PPP4R3B: variants seen among roughly 807,000 people sequenced by gnomAD.
PPP4R3B encodes serine/threonine-protein phosphatase 4 regulatory subunit 3B.
Under a neutral mutation model 95.4 loss-of-function variants are expected in PPP4R3B, and 52 were observed. That is an observed-to-expected ratio of 0.54 (90% CI 0.44 to 0.69). The LOEUF (loss-of-function observed/expected upper bound fraction) is 0.69. Among genes scored for constraint, PPP4R3B ranks in the 30% least tolerant of loss-of-function variants. The pLI, the probability that PPP4R3B is intolerant of heterozygous loss-of-function variation, is 0.00. For synonymous variants in PPP4R3B, 407 were observed against 343.9 expected, an observed-to-expected ratio of 1.18 and a Z score of -2.03; for missense variants, 1,003 against 1,005.9, an observed-to-expected ratio of 1.00 and a Z score of 0.04.
At chr2:55,570,770 G>A (rs1687894535) in intron 12 of PPP4R3B, among the ~76,000 whole-genome samples, 1 of 152,176 alleles carries the variant, frequency 6.6e-6, no homozygotes, top group Non-Finnish European at 1.5e-5. Context: ...GCCACATAAG[G>A]TATAAATGTT....
intron 2 of PPP4R3B, among the ~76,000 whole-genome samples, chr2:55,613,207 G>A (rs1694427476): frequency 6.6e-6 from 1 of 151,916 alleles, no homozygotes. Context: ...ACCCCTAAAT[G>A]GCCCTATGAT....
Position 55,589,029 on chromosome 2 carries a change from A to G in PPP4R3B, c.922-73T>C, listed in dbSNP as rs577785348. 200 of 873,240 alleles carry G rather than the reference A, an allele frequency of 2.3e-4. 2 individuals are homozygous for G. The South Asian group carries it at 3.1e-3, about 14-fold the overall frequency. 54.1% of individuals were successfully genotyped at this position (873,240 alleles called of 1,614,324 possible). A position where few individuals can be genotyped will look rare whatever the true frequency, so the allele number is the denominator to read the frequency against. On this transcript the variant is annotated intron_variant, in intron 4 of 16. Coordinates refer to ENST00000616407, the MANE Select transcript of PPP4R3B (RefSeq NM_001122964.3). ...TTATACTCATTTATATGACTTACAC[A>G]AATTATAAAAAATAGTTGACAAGTA...
intron 7 of PPP4R3B, 92 bp from the exon 8 acceptor site, chr2:55,581,790 A>C: frequency 7.4e-7 from 1 of 1,357,986 alleles, no homozygotes; most frequent in Non-Finnish European, 9.8e-7. Flanking sequence ...CAAAGTGAGA[A>C]TTATATAGAG....
intron 7 of PPP4R3B, among the ~76,000 whole-genome samples, chr2:55,583,297 C>T (rs1316560654): frequency 1.3e-5 from 2 of 151,714 alleles, no homozygotes; most frequent in Admixed American, 1.3e-4. Context: ...TGAGGCAACA[C>T]AGTTTTAAAA....
Position 55,603,981 on chromosome 2 carries a change from AC to A in PPP4R3B, c.293del (p.Cys98PhefsTer34), listed in dbSNP as rs1409205522. 1 of 1,595,676 alleles carries A rather than the reference AC, an allele frequency of 6.3e-7. No homozygotes were observed. The highest frequency in any genetic ancestry group is 8.5e-7 in the Non-Finnish European group (1 of 1,174,068). ...AATATTATAAAAAGAAACTTACCTGACAAATTTTTTCCCAGATCTCATCACA... is the reference window on the plus strand; with the variant it reads ...AATATTATAAAAAGAAACTTACCTGAAAATTTTTTCCCAGATCTCATCACA... ...AGCDEIWEKI[C>X]QVQGKDPSVE... On this transcript the variant is annotated frameshift_variant, in exon 3 of 17. Coordinates refer to ENST00000616407, the MANE Select transcript of PPP4R3B (RefSeq NM_001122964.3). LOFTEE classifies it high-confidence loss of function.
chr2:55,583,576 C>T (rs1292263299), intron 7 of PPP4R3B, among the ~76,000 whole-genome samples: 1 of 152,166 alleles, frequency 6.6e-6, no homozygotes, highest in African/African-American at 2.4e-5. Context: ...CCTTTAATCA[C>T]ACACATCACT....
intron 12 of PPP4R3B, among the ~76,000 whole-genome samples, chr2:55,572,963 T>C (rs1445488928): frequency 3.9e-5 from 6 of 152,134 alleles, no homozygotes; most frequent in African/African-American, 1.4e-4. Flanking sequence ...GATACTGTTT[T>C]GTAAATATAA....
intron 4 of PPP4R3B, among the ~76,000 whole-genome samples, chr2:55,590,278 G>T (rs542814944): frequency 4.6e-5 from 7 of 152,086 alleles, no homozygotes; most frequent in Admixed American, 1.3e-4. Flanking sequence ...AGTGAGCCGA[G>T]ATTGCGCCAT....
chr2:55,605,598 A>G (rs867415135), intron 2 of PPP4R3B, among the ~76,000 whole-genome samples: 31 of 152,108 alleles, frequency 2.0e-4, no homozygotes, highest in African/African-American at 4.6e-4. Flanking sequence ...CTCTCAAGTC[A>G]CTCCTTTGTC....
intron 16 of PPP4R3B, among the ~76,000 whole-genome samples, chr2:55,556,765 T>A (rs76322945): frequency 0.015 from 2,212 of 152,284 alleles, 31 homozygotes; most frequent in Non-Finnish European, 0.024. Context: ...ACCTTACCCC[T>A]TTTTAAAACA....
chr2:55,604,182 C>A, intron 2 of PPP4R3B, 106 bp from the exon 3 acceptor site: 1 of 706,156 alleles, frequency 1.4e-6, no homozygotes, highest in Non-Finnish European at 2.3e-6. Flanking sequence ...TGACAAATGC[C>A]CCGATATGAG....
intron 15 of PPP4R3B, 68 bp downstream of exon 15, chr2:55,564,245 C>G: frequency 7.3e-7 from 1 of 1,377,792 alleles, no homozygotes; most frequent in Non-Finnish European, 9.6e-7. Flanking sequence ...CAAACCTTCA[C>G]AAAGCAACAA....
chr2:55,578,018 A>C lies in PPP4R3B; in HGVS notation c.1564+229T>G, dbSNP rs573725402. On this transcript the variant is annotated intron_variant, in intron 10 of 16. Coordinates refer to ENST00000616407, the MANE Select transcript of PPP4R3B (RefSeq NM_001122964.3). ...GCATCCTCATAAGAGAGGATTATGT[A>C]GGAGTTAAAAATAAATAAGAACTCT... Among the ~76,000 whole-genome samples the C allele has an allele frequency of 1.4e-4, 22 of 152,272 alleles. 1 individual carries two copies. Among genetic ancestry groups the C allele is most frequent in the African/African-American group, 5.3e-4 (22 of 41,576 alleles).
chr2:55,569,931 G>C (rs922105816), intron 12 of PPP4R3B, among the ~76,000 whole-genome samples: 2 of 152,288 alleles, frequency 1.3e-5, no homozygotes, highest in Admixed American at 6.5e-5. Context: ...ACATAAAGGA[G>C]ATCTAAAGGT....
chr2:55,616,585 C>G (rs762999373), intron 1 of PPP4R3B: 3 of 152,224 alleles, frequency 2.0e-5, no homozygotes, highest in Admixed American at 6.5e-5. Context: ...TCTACAAAGG[C>G]AGCCCGAAGA....
chr2:55,605,341 A>C (rs562155149), intron 2 of PPP4R3B, among the ~76,000 whole-genome samples: 2 of 152,188 alleles, frequency 1.3e-5, no homozygotes, highest in Non-Finnish European at 2.9e-5. Flanking sequence ...TATAAATATC[A>C]TGACCTGACA....
At chr2:55,577,478 C>A in intron 10 of PPP4R3B, 122 bp from the exon 11 acceptor site, 1 of 1,056,302 alleles carries the variant, frequency 9.5e-7, no homozygotes, top group Non-Finnish European at 1.2e-6. Flanking sequence ...TCAAAATAAC[C>A]ATAAAGACTT....
At chr2:55,559,203 G>A (rs374995541) in intron 15 of PPP4R3B, among the ~76,000 whole-genome samples, 36 of 152,002 alleles carry the variant, frequency 2.4e-4, no homozygotes, top group African/African-American at 8.2e-4. Context: ...AAAATTAGCC[G>A]GGTGTGGTGG....
At chr2:55,606,038 G>T (rs1453077421) in intron 2 of PPP4R3B, among the ~76,000 whole-genome samples, 2 of 147,778 alleles carry the variant, frequency 1.4e-5, no homozygotes. Context: ...ATAAAAAAAA[G>T]AAATAAATAG....
Sources: gnomAD v4.1 joint callset for allele counts (sites outside exome capture counted in the v4.1 genomes callset) on GRCh38, gnomAD v4.1.1 for gene constraint, MANE v1.5 for transcripts, NCBI Gene and HGNC (gene_info 2026-07-23, HGNC 2026-07-21) for gene names.